ANO1: variants seen among roughly 807,000 people sequenced by gnomAD.
ANO1 encodes anoctamin 1.
A neutral mutation model predicts 124.0 loss-of-function variants in ANO1; 59 were observed. The observed-to-expected ratio is 0.48, with a 90% confidence interval of 0.39 to 0.59. The LOEUF is 0.59. Ranked by LOEUF, ANO1 falls within the 20% of genes least tolerant of loss-of-function variation. The pLI is 0.00. For synonymous variants in ANO1, 529 were observed against 532.0 expected (o/e 0.99, Z 0.08); for missense variants, 1,059 against 1,328.0 (o/e 0.80, Z 3.15).
chr11:69,990,479 C>T (rs1856133098), intron 1 of ANO1, among the ~76,000 whole-genome samples: 1 of 152,086 alleles, frequency 6.6e-6, no homozygotes, highest in South Asian at 2.1e-4. Flanking sequence ...TGTTTGAGTT[C>T]CTATTGTCAA....
intron 10 of ANO1, among the ~76,000 whole-genome samples, chr11:70,128,353 C>T (rs1244044347): frequency 6.6e-6 from 1 of 152,170 alleles, no homozygotes; most frequent in African/African-American, 2.4e-5. Flanking sequence ...TGGCTTTAGG[C>T]TAGGAGCTCA....
chr11:69,991,154 G>A (rs1313289416), intron 1 of ANO1, among the ~76,000 whole-genome samples: 5 of 152,194 alleles, frequency 3.3e-5, no homozygotes, highest in African/African-American at 1.2e-4. Flanking sequence ...GTACGCTAGA[G>A]AGCCAAATTC....
intron 1 of ANO1, among the ~76,000 whole-genome samples, chr11:70,069,504 C>G (rs143814346): frequency 2.0e-5 from 3 of 152,214 alleles, no homozygotes; most frequent in South Asian, 2.1e-4. Flanking sequence ...CTGTTTAACA[C>G]AGAGGATCTG....
At chr11:70,105,203 G>A (rs1017218398) in intron 4 of ANO1, among the ~76,000 whole-genome samples, 7 of 152,136 alleles carry the variant, frequency 4.6e-5, no homozygotes, top group East Asian at 1.9e-4. Context: ...AGCTCTCCCC[G>A]AAGTGCCTTG....
rs1386043850 is a variant in ANO1, at chr11:70,157,386, G to T, written c.1578+365G>T. Among the ~76,000 whole-genome samples the T allele has an allele frequency of 2.6e-5, 3 of 113,254 alleles. 1 individual carries two copies. In the South Asian group the frequency reaches 8.7e-4, roughly 33 times the overall value. 74.3% of individuals were successfully genotyped at this position (113,254 alleles called of 152,430 possible). On this transcript the variant is annotated intron_variant, in intron 16 of 25. Coordinates refer to ENST00000355303, the MANE Select transcript of ANO1 (RefSeq NM_018043.7). ...TGTCTCAAAAAAAAAAAAAAAAAAG[G>T]ATGCGATTGGTGTCCTCCAAGACCT... is the stretch of plus-strand genomic sequence containing the variant.
intron 1 of ANO1, among the ~76,000 whole-genome samples, chr11:70,002,427 G>C (rs963632838): frequency 5.8e-5 from 8 of 137,194 alleles, no homozygotes; most frequent in Admixed American, 5.0e-4. Context: ...TAGAGCCATT[G>C]CACTCCAGCC....
At chr11:70,010,179 G>GTGTGTATATATATATATATA in intron 1 of ANO1, among the ~76,000 whole-genome samples, 2 of 83,772 alleles carry the variant, frequency 2.4e-5, no homozygotes, top group Admixed American at 1.3e-4. Flanking sequence ...GTGTGTGTGT[G>GTGTGTATATATATATATATA]TATATATATA....
the ANO1 span, among the ~76,000 whole-genome samples, chr11:69,969,904 G>T: frequency 6.6e-6 from 1 of 152,128 alleles, no homozygotes. Flanking sequence ...CTGAGATCAT[G>T]CCACTGCACT....
At chr11:70,120,696 C>T (rs1007662232) in intron 8 of ANO1, among the ~76,000 whole-genome samples, 3 of 152,152 alleles carry the variant, frequency 2.0e-5, no homozygotes, top group Admixed American at 6.5e-5. Flanking sequence ...GGAAGGGCAA[C>T]GGGCAAGGAC....
At chr11:69,997,504 T>A (rs1455272422) in intron 1 of ANO1, among the ~76,000 whole-genome samples, 2 of 152,082 alleles carry the variant, frequency 1.3e-5, no homozygotes, top group Non-Finnish European at 2.9e-5. Context: ...AATCAACCCA[T>A]GGCTCAGGAA....
chr11:70,012,007 C>T (rs1483922239), intron 1 of ANO1, among the ~76,000 whole-genome samples: 2 of 151,466 alleles, frequency 1.3e-5, no homozygotes, highest in East Asian at 1.9e-4. Flanking sequence ...TCTTTCCATC[C>T]ATCCATCCAT....
intron 13 of ANO1, among the ~76,000 whole-genome samples, chr11:70,152,853 G>T (rs1378382732): frequency 6.6e-6 from 1 of 152,250 alleles, no homozygotes; most frequent in East Asian, 1.9e-4. Flanking sequence ...ATGGGCTGGG[G>T]TTCCCCACAA....
At chr11:70,024,017 G>A (rs898115237) in intron 1 of ANO1, among the ~76,000 whole-genome samples, 7 of 152,326 alleles carry the variant, frequency 4.6e-5, no homozygotes, top group Middle Eastern at 3.4e-3. Context: ...AGCTGAATCC[G>A]GGGGTCTAAT....
chr11:70,078,586 C>G lies in ANO1; in HGVS notation c.-21C>G. 1 of 1,450,234 alleles carries G rather than the reference C, an allele frequency of 6.9e-7. No homozygotes were observed. Among genetic ancestry groups the G allele is most frequent in the Admixed American group, 2.1e-5 (1 of 46,874 alleles). 89.8% of individuals were successfully genotyped at this position (1,450,234 alleles called of 1,614,324 possible). ...TGGGGAGGGCGCGCCGCCCGGCGGT[C>G]CCAGCGCACAGGCGGCCACGATGAG... On this transcript the variant is annotated 5_prime_UTR_variant, in exon 1 of 26. Coordinates refer to ENST00000355303, the MANE Select transcript of ANO1 (RefSeq NM_018043.7).
At chr11:70,014,295 A>G (rs61635587) in intron 1 of ANO1, among the ~76,000 whole-genome samples, 2 of 126,276 alleles carry the variant, frequency 1.6e-5, no homozygotes, top group Non-Finnish European at 3.2e-5. Context: ...GACAACGTGC[A>G]GGAGCTCTTC....
chr11:70,140,322 G>A (rs749995568), intron 11 of ANO1, among the ~76,000 whole-genome samples: 2 of 152,054 alleles, frequency 1.3e-5, no homozygotes, highest in Non-Finnish European at 2.9e-5. Flanking sequence ...CTGAGGTCAC[G>A]AGTACAAGAC....
At chr11:70,074,388 A>G (rs117813990), upstream of ANO1, among the ~76,000 whole-genome samples, 1,639 of 152,244 alleles carry the variant, frequency 0.011, 23 homozygotes, top group Non-Finnish European at 0.017. Context: ...GCACCTGTGT[A>G]TTTCTATTTT....
chr11:70,015,102 C>A (rs1591035421), intron 1 of ANO1: 3 of 152,056 alleles, frequency 2.0e-5, no homozygotes, highest in African/African-American at 7.2e-5. Context: ...GCCACTGTCC[C>A]TTTTGGCTCG....
At chr11:70,020,490 G>C (rs1856782699) in intron 1 of ANO1, among the ~76,000 whole-genome samples, 2 of 152,336 alleles carry the variant, frequency 1.3e-5, no homozygotes, top group Non-Finnish European at 2.9e-5. Flanking sequence ...GCCTTGGCAG[G>C]AGGAGGAAAA....
Sources: allele counts gnomAD v4.1 joint callset (sites outside exome capture counted in the v4.1 genomes callset), GRCh38; gene constraint gnomAD v4.1.1; transcripts MANE v1.5; gene names NCBI Gene and HGNC (gene_info 2026-07-23, HGNC 2026-07-21).